F8: variants seen among roughly 807,000 people sequenced by gnomAD.
The protein encoded by F8 is coagulation factor VIII.
F8 carries 12 observed loss-of-function variants against 140.6 expected under a neutral mutation model. The observed-to-expected ratio is 0.09, with a 90% confidence interval of 0.05 to 0.14. The LOEUF is 0.14. F8 is among the 10% of genes least tolerant of loss of function. The probability of loss-of-function intolerance (pLI) is 1.00; values close to 1 mark genes in which losing one functional copy is unlikely to be tolerated. For missense variants in F8, 1,354 were observed against 1,720.7 expected (o/e 0.79, Z 3.77); for synonymous variants, 585 against 614.6 (o/e 0.95, Z 0.71).
chrX:154,917,240 A>G (rs186082015), intron 14 of F8, among the ~76,000 whole-genome samples: 93 of 112,197 alleles, frequency 8.3e-4, no homozygotes, highest in African/African-American at 3.0e-3. Flanking sequence ...AGAAGAATGT[A>G]TATTCTGTAG....
chrX:154,933,982 C>T (rs2073211112), intron 13 of F8, among the ~76,000 whole-genome samples: 1 of 111,811 alleles, frequency 8.9e-6, no homozygotes, highest in South Asian at 3.7e-4. Flanking sequence ...GACCAGACTA[C>T]CCAAGGGCCA....
chrX:154,961,207 C>T (rs375917792), intron 9 of F8, 39 bp from the exon 10 acceptor site: 8 of 912,243 alleles, frequency 8.8e-6, no homozygotes, highest in East Asian at 3.1e-5. Flanking sequence ...AATCCTAAAA[C>T]GACTAGGATC....
intron 13 of F8, among the ~76,000 whole-genome samples, chrX:154,933,172 C>T (rs782662356): frequency 9.0e-6 from 1 of 110,989 alleles, no homozygotes; most frequent in Non-Finnish European, 1.9e-5. Flanking sequence ...AATCCAAGAA[C>T]TTAGAGTTGG....
chrX:154,948,759 T>C (rs1035821583), intron 12 of F8, among the ~76,000 whole-genome samples: 1 of 112,247 alleles, frequency 8.9e-6, no homozygotes, highest in African/African-American at 3.2e-5. Flanking sequence ...ACTCTGTTAC[T>C]AGGTACTGTG....
chrX:155,005,691 A>G (rs148600538), intron 1 of F8, among the ~76,000 whole-genome samples: 1 of 112,189 alleles, frequency 8.9e-6, no homozygotes, highest in Non-Finnish European at 1.9e-5. Flanking sequence ...CCGCTTCAGG[A>G]CTAAAGCACT....
chrX:154,929,050 T>C lies in F8; in HGVS notation c.4740A>G (p.Leu1580=), dbSNP rs2073176448. 1.7e-6 allele frequency: 2 copies of C among 1,211,064 alleles called. No individual in the cohort carries two copies. The highest frequency in any genetic ancestry group is 2.2e-6 in the Non-Finnish European group (2 of 895,009). The change falls in exon 14 of 26, where the codon CTA becomes CTG. Residue 1580 remains leucine (L), a synonymous_variant. Transcript: ENST00000360256. ...GGTTATCCCAAGCAAGAGGATCCAATAGCTTGGAGGGAGTCTTTGCAGAGC... is the reference window on the plus strand; with the variant it reads ...GGTTATCCCAAGCAAGAGGATCCAACAGCTTGGAGGGAGTCTTTGCAGAGC... ...TESSAKTPSK[L]LDPLAWDNHY...
At chrX:154,910,417 G>C (rs1188459751) in intron 14 of F8, among the ~76,000 whole-genome samples, 2 of 91,460 alleles carry the variant, frequency 2.2e-5, no homozygotes, top group Non-Finnish European at 4.3e-5. Context: ...ACCGGGGCCT[G>C]TCATGGGGTG....
At chrX:154,851,868 T>G (rs2072617684) in intron 25 of F8, among the ~76,000 whole-genome samples, 2 of 111,643 alleles carry the variant, frequency 1.8e-5, no homozygotes, top group Admixed American at 1.9e-4. Flanking sequence ...TCTTTTTACT[T>G]TCTTGATAGT....
rs1472770074 is a variant in F8 at position 154,862,967 on chromosome X, T to C, written c.6574+116A>G. 5.9e-6 allele frequency: 5 copies of C among 845,084 alleles called. No homozygotes were observed. The African/African-American group carries it at 7.9e-5, about 13-fold the overall frequency. 69.6% of individuals were successfully genotyped at this position (845,084 alleles called of 1,213,427 possible). Reference sequence around the variant, plus strand: ...CCCAGGACTATGCTGGTTTTAGCACTGACAATTTTGTGTCCTGATACCGGG... The same window carrying C: ...CCCAGGACTATGCTGGTTTTAGCACCGACAATTTTGTGTCCTGATACCGGG... On this transcript the variant is annotated intron_variant, in intron 23 of 25. Transcript: ENST00000360256.
At chrX:154,943,707 C>T (rs1557280054) in intron 13 of F8, among the ~76,000 whole-genome samples, 1 of 111,608 alleles carries the variant, frequency 9.0e-6, no homozygotes, top group Middle Eastern at 4.2e-3. Flanking sequence ...GCCCGCATCG[C>T]CAAGTCAATC....
intron 25 of F8, among the ~76,000 whole-genome samples, chrX:154,845,851 CT>C (rs1557271713): frequency 9.0e-6 from 1 of 111,633 alleles, no homozygotes; most frequent in East Asian, 2.8e-4. Flanking sequence ...AATGTGTTTG[CT>C]CTTGCTTCTC....
At chrX:154,995,240 G>A (rs1005969619) in intron 3 of F8, among the ~76,000 whole-genome samples, 1 of 111,787 alleles carries the variant, frequency 8.9e-6, no homozygotes, top group African/African-American at 3.3e-5. Flanking sequence ...GGGCAGGGGC[G>A]GGAGCACATG....
intron 6 of F8, among the ~76,000 whole-genome samples, chrX:154,974,677 T>C (rs1480954394): frequency 8.9e-6 from 1 of 112,127 alleles, no homozygotes; most frequent in Non-Finnish European, 1.9e-5. Context: ...ATTAGTTCTT[T>C]AGATGTTTGG....
intron 14 of F8, among the ~76,000 whole-genome samples, chrX:154,918,321 G>A (rs2073109798): frequency 9.0e-6 from 1 of 111,228 alleles, no homozygotes; most frequent in Non-Finnish European, 1.9e-5. Context: ...TGGCTTAGAT[G>A]AAGAGCAGCC....
intron 14 of F8, chrX:154,919,711 C>A: frequency 2.6e-6 from 1 of 387,499 alleles, no homozygotes; most frequent in Non-Finnish European, 4.4e-6. Flanking sequence ...GCCAGTCTAT[C>A]CCAGGGCTCT....
At chrX:154,870,245 A>G (rs1337440910) in intron 22 of F8, among the ~76,000 whole-genome samples, 1 of 112,234 alleles carries the variant, frequency 8.9e-6, no homozygotes, top group Non-Finnish European at 1.9e-5. Context: ...CACAACAAAA[A>G]AAGAAAATTT....
At chrX:154,857,515 T>C (rs1458793844) in intron 25 of F8, among the ~76,000 whole-genome samples, 5 of 111,749 alleles carry the variant, frequency 4.5e-5, no homozygotes, top group Non-Finnish European at 9.4e-5. Flanking sequence ...CTGCACGATA[T>C]GCAGGTACTA....
At chrX:154,873,460 T>A (rs1233714604) in intron 22 of F8, among the ~76,000 whole-genome samples, 3 of 111,531 alleles carry the variant, frequency 2.7e-5, no homozygotes, top group Non-Finnish European at 1.9e-5. Flanking sequence ...ACTTCTGACC[T>A]CAAGTGATCC....
At position 154,910,638 on chromosome X, in the gene F8, A is replaced by C. The variant is rs190391541; in HGVS notation, c.5220-4065T>G. On this transcript the variant is annotated intron_variant, in intron 14 of 25. Transcript: ENST00000360256. The stretch of plus-strand genomic sequence containing the variant: ...GACACAATACACTGCGGAAGGCCGC[A>C]GGGACCTCTGCCCTGGAAAGCCAGG... Among the ~76,000 whole-genome samples the C allele has an allele frequency of 3.1e-3, 348 of 112,588 alleles. 5 individuals carry two copies. The highest frequency in any genetic ancestry group is 0.022 in the Admixed American group (241 of 10,754).
Sources: allele counts gnomAD v4.1 joint callset (sites outside exome capture counted in the v4.1 genomes callset), GRCh38; gene constraint gnomAD v4.1.1; transcripts MANE v1.5; gene names NCBI Gene and HGNC (gene_info 2026-07-23, HGNC 2026-07-21).